Variants in PTGER4 observed in about 807,000 individuals in gnomAD.
PTGER4 encodes prostaglandin E2 receptor EP4 subtype.
A neutral mutation model predicts 33.2 loss-of-function variants in PTGER4; 11 were observed. That is an observed-to-expected ratio of 0.33 (90% CI 0.21 to 0.55). The LOEUF is 0.55. Ranked by LOEUF, PTGER4 falls within the 20% of genes least tolerant of loss-of-function variation. The pLI, the probability that PTGER4 is intolerant of heterozygous loss-of-function variation, is 0.92. For missense variants in PTGER4, 481 were observed against 650.2 expected, an observed-to-expected ratio of 0.74 and a Z score of 2.83; for synonymous variants, 275 against 281.5, an observed-to-expected ratio of 0.98 and a Z score of 0.23.
chr5:40,710,314 A>G, the PTGER4 span, among the ~76,000 whole-genome samples: 1 of 152,262 alleles, frequency 6.6e-6, no homozygotes, highest in Non-Finnish European at 1.5e-5. Flanking sequence ...CAGCCAAAGG[A>G]CACATGAAAA....
the PTGER4 span, among the ~76,000 whole-genome samples, chr5:40,735,342 G>A: frequency 1.3e-5 from 2 of 152,062 alleles, no homozygotes; most frequent in Non-Finnish European, 2.9e-5. Context: ...AAGTAATTTA[G>A]GTATGAGATA....
the PTGER4 span, among the ~76,000 whole-genome samples, chr5:40,733,101 C>T: frequency 0.012 from 1,861 of 152,144 alleles, 26 homozygotes; most frequent in African/African-American, 0.034. Context: ...TACTTTGTTC[C>T]GTTCATTATT....
chr5:40,731,567 A>G, the PTGER4 span, among the ~76,000 whole-genome samples: 2 of 152,264 alleles, frequency 1.3e-5, no homozygotes, highest in Admixed American at 1.3e-4. Context: ...ATGAGCGCTG[A>G]GCAAACAGGG....
At chr5:40,718,405 C>A in the PTGER4 span, among the ~76,000 whole-genome samples, 5 of 149,758 alleles carry the variant, frequency 3.3e-5, no homozygotes, top group African/African-American at 9.8e-5. Flanking sequence ...GACTCTGTCT[C>A]AAAAAAAATA....
chr5:40,730,405 A>C, the PTGER4 span: 1 of 1,392,212 alleles, frequency 7.2e-7, no homozygotes, highest in Non-Finnish European at 1.0e-6. Context: ...ACTTTCAAAA[A>C]AAAATTTTTA....
At position 40,693,454 on chromosome 5, in the gene PTGER4, A is replaced by G. The variant is rs1242628770; in HGVS notation, c.*1076A>G. 4 of 985,890 alleles carry G rather than the reference A, an allele frequency of 4.1e-6. No individual in the cohort carries two copies. The highest frequency in any genetic ancestry group is 4.8e-6 in the Non-Finnish European group (4 of 829,942). 61.1% of individuals were successfully genotyped at this position (985,890 alleles called of 1,614,324 possible). A position where few individuals can be genotyped will look rare whatever the true frequency, so the allele number is the denominator to read the frequency against. Reference sequence around the variant, plus strand: ...CAGAAAGCTTTATTTTGAGATGTAAAAAGATTCCCAAACGTGGTTACATTA... The same window carrying G: ...CAGAAAGCTTTATTTTGAGATGTAAGAAGATTCCCAAACGTGGTTACATTA... On this transcript the variant is annotated 3_prime_UTR_variant, in exon 3 of 3. Transcript: ENST00000302472.
chr5:40,722,580 C>G, the PTGER4 span, among the ~76,000 whole-genome samples: 5 of 151,460 alleles, frequency 3.3e-5, no homozygotes, highest in African/African-American at 4.9e-5. Context: ...AACTGAGGAG[C>G]GTCTCTGACC....
the PTGER4 span, among the ~76,000 whole-genome samples, chr5:40,733,283 C>T: frequency 6.6e-6 from 1 of 152,054 alleles, no homozygotes; most frequent in South Asian, 2.1e-4. Flanking sequence ...TCTTTGGTCT[C>T]TAGAGCAAGG....
the PTGER4 span, among the ~76,000 whole-genome samples, chr5:40,727,127 T>G: frequency 6.6e-5 from 10 of 152,172 alleles, no homozygotes; most frequent in Non-Finnish European, 1.5e-4. Context: ...GTAGAAATAA[T>G]GATACATTTA....
Position 40,691,886 on chromosome 5 carries a change from C to T in PTGER4, c.975C>T (p.Asp325=). 6.2e-7 allele frequency: 1 copy of T among 1,614,216 alleles called. No individual in the cohort carries two copies. Among genetic ancestry groups the T allele is most frequent in the Non-Finnish European group, 8.5e-7 (1 of 1,180,034 alleles). ...IRIASVNPIL[D]PWIYILLRKT... The stretch of plus-strand genomic sequence containing the variant: ...TTGCTTCTGTGAACCCCATCCTAGA[C>T]CCCTGGATATATATCCTCCTGAGAA... Residue 325 remains aspartate, a synonymous_variant, in exon 3 of 3, where the codon GAC becomes GAT. Coordinates refer to ENST00000302472, the MANE Select transcript of PTGER4 (RefSeq NM_000958.3). This position sits in a 1 kb window ranked among gnomAD's most constrained non-coding sequence, Gnocchi z 4.2.
chr5:40,736,112 G>A, the PTGER4 span, among the ~76,000 whole-genome samples: 1 of 152,154 alleles, frequency 6.6e-6, no homozygotes, highest in Admixed American at 6.5e-5. Flanking sequence ...AAGGGGATGG[G>A]GTCTAGAGTA....
rs960271967 is a variant in PTGER4, at chr5:40,692,981, T to C, written c.*603T>C. On this transcript the variant is annotated 3_prime_UTR_variant, in exon 3 of 3. Coordinates refer to ENST00000302472, the MANE Select transcript of PTGER4 (RefSeq NM_000958.3). ...TTTCATAAACAAGTTCGAGTCAAAGTTGAAAATTCATAGTAAGATTGATAT... is the reference window on the plus strand; with the variant it reads ...TTTCATAAACAAGTTCGAGTCAAAGCTGAAAATTCATAGTAAGATTGATAT... The C allele has an allele frequency of 3.5e-5, 33 of 938,994 alleles. No individual in the cohort carries two copies. In the African/African-American group the frequency reaches 5.2e-4, roughly 15 times the overall value. The allele number at this position is 938,994 out of a possible 1,614,324, so 58.2% of individuals were successfully genotyped here.
At chr5:40,739,936 CT>C in the PTGER4 span, among the ~76,000 whole-genome samples, 1 of 151,890 alleles carries the variant, frequency 6.6e-6, no homozygotes, top group East Asian at 1.9e-4. Flanking sequence ...ACAAATGGTG[CT>C]TTTTTTTAAA....
At chr5:40,713,268 T>A in the PTGER4 span, among the ~76,000 whole-genome samples, 2 of 152,106 alleles carry the variant, frequency 1.3e-5, no homozygotes, top group African/African-American at 2.4e-5. Flanking sequence ...TCAAGGAAAT[T>A]AAAAGAAATG....
chr5:40,682,005 C>G, intron 2 of PTGER4, 145 bp downstream of exon 2: 4 of 1,101,992 alleles, frequency 3.6e-6, no homozygotes, highest in East Asian at 2.9e-5. Context: ...CACTGTTTCT[C>G]AGAGCAGGCC....
intron 2 of PTGER4, among the ~76,000 whole-genome samples, chr5:40,684,345 G>C (rs1741276739): frequency 1.3e-5 from 2 of 152,086 alleles, no homozygotes; most frequent in African/African-American, 4.8e-5. Context: ...TCAAGTGGTT[G>C]CTAATCCCAT....
At chr5:40,707,375 G>A in the PTGER4 span, among the ~76,000 whole-genome samples, 39 of 152,160 alleles carry the variant, frequency 2.6e-4, no homozygotes, top group Non-Finnish European at 4.9e-4. Flanking sequence ...GGCAGGGGTT[G>A]CAATCCTAGT....
At chr5:40,717,488 C>T in the PTGER4 span, among the ~76,000 whole-genome samples, 1 of 152,146 alleles carries the variant, frequency 6.6e-6, no homozygotes, top group Non-Finnish European at 1.5e-5. Context: ...TCAACCTCAG[C>T]ACTACTGACA....
At chr5:40,724,693 CTT>C in the PTGER4 span, among the ~76,000 whole-genome samples, 1 of 151,718 alleles carries the variant, frequency 6.6e-6, no homozygotes, top group Non-Finnish European at 1.5e-5. Flanking sequence ...CATAAACAAA[CTT>C]TATTTTTCAA....
Sources: gnomAD v4.1 joint callset for allele counts (sites outside exome capture counted in the v4.1 genomes callset) on GRCh38, gnomAD v4.1.1 for gene constraint, Gnocchi (gnomAD v3.1) non-coding constraint, MANE v1.5 for transcripts, NCBI Gene and HGNC (gene_info 2026-07-23, HGNC 2026-07-21) for gene names.